SNTG1: variants seen among roughly 807,000 people sequenced by gnomAD.
The protein encoded by SNTG1 is syntrophin gamma 1, also known as gamma-1-syntrophin.
SNTG1 carries 39 observed loss-of-function variants against 74.7 expected under a neutral mutation model. That is an observed-to-expected ratio of 0.52 (90% CI 0.40 to 0.68). SNTG1 has a LOEUF of 0.68. SNTG1 is among the 30% of genes least tolerant of loss of function. The pLI, the probability that SNTG1 is intolerant of heterozygous loss-of-function variation, is 0.00. For missense variants in SNTG1, 685 were observed against 609.5 expected (o/e 1.12, Z -1.30); for synonymous variants, 254 against 217.1 (o/e 1.17, Z -1.49).
At chr8:50,319,450 G>A (rs2090443912) in intron 2 of SNTG1, among the ~76,000 whole-genome samples, 1 of 152,196 alleles carries the variant, frequency 6.6e-6, no homozygotes, top group African/African-American at 2.4e-5. Context: ...GAATTTATCA[G>A]TTCTAATAGT....
Position 50,554,745 on chromosome 8 carries a change from C to T in SNTG1, c.810+1566C>T, listed in dbSNP as rs147172501. On this transcript the variant is annotated intron_variant, in intron 12 of 18. Coordinates refer to ENST00000642720, the MANE Select transcript of SNTG1 (RefSeq NM_018967.5). ...TCTCTAGGGATTGTTTCCTCTCCTTCGACTGACTTATATGGATGCTTCTAG... is the reference window on the plus strand; with the variant it reads ...TCTCTAGGGATTGTTTCCTCTCCTTTGACTGACTTATATGGATGCTTCTAG... 4.0e-3 allele frequency among the ~76,000 whole-genome samples: 606 copies of T among 152,158 alleles called. 4 individuals carry two copies. Among genetic ancestry groups the T allele is most frequent in the African/African-American group, 0.014 (563 of 41,510 alleles).
intron 13 of SNTG1, among the ~76,000 whole-genome samples, chr8:50,649,919 A>G (rs1480955962): frequency 1.3e-5 from 2 of 151,874 alleles, no homozygotes; most frequent in Non-Finnish European, 1.5e-5. Flanking sequence ...TGTGTTTTCT[A>G]TATATAAATT....
chr8:50,550,489 A>G (rs1459828075), intron 11 of SNTG1, among the ~76,000 whole-genome samples: 4 of 152,288 alleles, frequency 2.6e-5, no homozygotes, highest in African/African-American at 9.6e-5. Context: ...AGTGAGCAGT[A>G]TATTTTTCAT....
At chr8:50,312,804 G>A (rs967061644) in intron 2 of SNTG1, among the ~76,000 whole-genome samples, 5 of 149,956 alleles carry the variant, frequency 3.3e-5, no homozygotes, top group Admixed American at 6.7e-5. Context: ...TTCACTGGGC[G>A]TATGTTAACT....
At chr8:50,580,959 C>T (rs1032409837) in intron 12 of SNTG1, among the ~76,000 whole-genome samples, 1 of 152,070 alleles carries the variant, frequency 6.6e-6, no homozygotes, top group Admixed American at 6.5e-5. Context: ...ACACATGGGC[C>T]AGGATGTGGA....
intron 4 of SNTG1, among the ~76,000 whole-genome samples, chr8:50,435,345 G>A (rs1439605437): frequency 6.6e-6 from 1 of 152,126 alleles, no homozygotes; most frequent in Admixed American, 6.6e-5. Context: ...CCCAAAGGAC[G>A]GTGCTTTGTT....
At position 50,053,813 on chromosome 8, in the gene SNTG1, C is replaced by T. The variant is rs548340243; in HGVS notation, c.-102-118748C>T. Among the ~76,000 whole-genome samples, 101 of 152,080 alleles carry T rather than the reference C, an allele frequency of 6.6e-4. 2 individuals carry two copies. Among genetic ancestry groups the T allele is most frequent in the South Asian group, 3.7e-3 (18 of 4,820 alleles). On this transcript the variant is annotated intron_variant, in intron 1 of 18. Transcript: ENST00000642720. ...ATCTACAACACAAACCCCACCACAA[C>T]ACATACACATTGTGAGCTAAACTTC...
chr8:50,304,834 T>C (rs543532378), intron 2 of SNTG1, among the ~76,000 whole-genome samples: 2 of 152,198 alleles, frequency 1.3e-5, no homozygotes, highest in South Asian at 2.1e-4. Context: ...CTTGTCATTT[T>C]GGTTATTTGA....
At chr8:50,291,322 A>T (rs1421500326) in intron 2 of SNTG1, among the ~76,000 whole-genome samples, 5 of 152,046 alleles carry the variant, frequency 3.3e-5, no homozygotes, top group East Asian at 1.9e-4. Context: ...AAAACAGGGT[A>T]GAAGGAAAGA....
intron 1 of SNTG1, among the ~76,000 whole-genome samples, chr8:49,999,636 A>G (rs567403515): frequency 6.6e-6 from 1 of 151,664 alleles, no homozygotes; most frequent in East Asian, 1.9e-4. Flanking sequence ...GTGCCAGAAC[A>G]CTCTTCCCCC....
rs565412582 is a variant in SNTG1 at position 50,581,481 on chromosome 8, A to G, written c.811-9398A>G. On this transcript the variant is annotated intron_variant, in intron 12 of 18. Transcript: ENST00000642720. ...CTCCATGTTTCATTTCAGCCCAGAAACAATTATTATTGTAATATAAGAACT... is the reference window on the plus strand; with the variant it reads ...CTCCATGTTTCATTTCAGCCCAGAAGCAATTATTATTGTAATATAAGAACT... Among the ~76,000 whole-genome samples, 645 of 152,264 alleles carry G rather than the reference A, an allele frequency of 4.2e-3. 9 individuals are homozygous for G. The highest frequency in any genetic ancestry group is 0.014 in the African/African-American group (584 of 41,548).
Position 50,438,247 on chromosome 8 carries a change from G to A in SNTG1, c.163-296G>A, listed in dbSNP as rs143188750. 9.5e-4 allele frequency among the ~76,000 whole-genome samples: 144 copies of A among 152,164 alleles called. No individual in the cohort carries two copies. The East Asian group carries it at 0.026, about 27-fold the overall frequency. ...ATACGTAATGTGGAAATAAGAAGAGGTATAAAAGTTAAGATTCCAAAATAT... is the reference window on the plus strand; with the variant it reads ...ATACGTAATGTGGAAATAAGAAGAGATATAAAAGTTAAGATTCCAAAATAT... On this transcript the variant is annotated intron_variant, in intron 4 of 18. Transcript: ENST00000642720.
chr8:50,556,604 A>G lies in SNTG1; in HGVS notation c.810+3425A>G, dbSNP rs571586957. 2.1e-3 allele frequency among the ~76,000 whole-genome samples: 323 copies of G among 152,354 alleles called. 1 individual carries two copies. Among genetic ancestry groups the G allele is most frequent in the African/African-American group, 7.5e-3 (312 of 41,582 alleles). ...TTCCATGATCATTTCTTATTAAATA[A>G]TTGAAGACTTTAAAATATGCAATGT... On this transcript the variant is annotated intron_variant, in intron 12 of 18. Coordinates refer to ENST00000642720, the MANE Select transcript of SNTG1 (RefSeq NM_018967.5).
chr8:50,080,778 T>C (rs1822331454), intron 1 of SNTG1, among the ~76,000 whole-genome samples: 1 of 152,162 alleles, frequency 6.6e-6, no homozygotes, highest in Admixed American at 6.6e-5. Context: ...GAACTAAGTC[T>C]GTTTTTCAAT....
chr8:50,345,605 T>C (rs1302286510), intron 2 of SNTG1, among the ~76,000 whole-genome samples: 1 of 152,234 alleles, frequency 6.6e-6, no homozygotes, highest in Non-Finnish European at 1.5e-5. Context: ...TTAAATCAAC[T>C]GCCATAATTG....
chr8:50,014,293 C>T (rs540633638), intron 1 of SNTG1, among the ~76,000 whole-genome samples: 1 of 152,210 alleles, frequency 6.6e-6, no homozygotes, highest in South Asian at 2.1e-4. Context: ...TTTGATTTGA[C>T]CCACAGCTCA....
At chr8:50,694,744 G>T (rs552413301) in intron 15 of SNTG1, among the ~76,000 whole-genome samples, 76 of 152,072 alleles carry the variant, frequency 5.0e-4, no homozygotes, top group Non-Finnish European at 8.8e-4. Context: ...GATCAAGTGG[G>T]ATTTATCCCT....
At chr8:50,745,375 T>A (rs1416668123) in intron 17 of SNTG1, among the ~76,000 whole-genome samples, 1 of 151,708 alleles carries the variant, frequency 6.6e-6, no homozygotes, top group Non-Finnish European at 1.5e-5. Flanking sequence ...ATGGCAAAAA[T>A]CAGAAAGAAA....
intron 12 of SNTG1, among the ~76,000 whole-genome samples, chr8:50,559,091 G>GGTGCTA (rs1373418184): frequency 2.8e-4 from 43 of 152,080 alleles, no homozygotes; most frequent in Non-Finnish European, 7.4e-5. Context: ...CAAAGTAAGG[G>GGTGCTA]GTGCTATTTC....
Sources: gnomAD v4.1 joint callset for allele counts (sites outside exome capture counted in the v4.1 genomes callset) on GRCh38, gnomAD v4.1.1 for gene constraint, MANE v1.5 for transcripts, NCBI Gene and HGNC (gene_info 2026-07-23, HGNC 2026-07-21) for gene names.